The following SLC24A3 variants were observed in gnomAD, a reference collection of about 807,000 sequenced individuals.
SLC24A3 encodes solute carrier family 24 member 3.
In SLC24A3, 28 loss-of-function variants were observed where a neutral mutation model predicts 75.8. The observed-to-expected ratio is 0.37, with a 90% CI of 0.27 to 0.51. The LOEUF (loss-of-function observed/expected upper bound fraction) is 0.51. Among genes scored for constraint, SLC24A3 ranks in the 20% least tolerant of loss-of-function variants. The probability of loss-of-function intolerance (pLI) is 0.94; values close to 1 mark genes in which losing one functional copy is unlikely to be tolerated. For missense variants in SLC24A3, 663 were observed against 847.8 expected (o/e 0.78, Z 2.71); for synonymous variants, 372 against 334.1 (o/e 1.11, Z -1.24).
At chr20:19,385,723 C>T (rs1986261534) in intron 2 of SLC24A3, among the ~76,000 whole-genome samples, 1 of 151,766 alleles carries the variant, frequency 6.6e-6, no homozygotes, top group Admixed American at 6.6e-5. Flanking sequence ...CTCATTGCAG[C>T]CTCAACCTCC....
At chr20:19,600,494 GATT>G (rs2031515144) in intron 6 of SLC24A3, among the ~76,000 whole-genome samples, 1 of 152,122 alleles carries the variant, frequency 6.6e-6, no homozygotes, top group South Asian at 2.1e-4. Flanking sequence ...AATAAAAATG[GATT>G]TTAATGAAGT....
At chr20:19,597,191 G>A (rs892065728) in intron 6 of SLC24A3, among the ~76,000 whole-genome samples, 1 of 147,170 alleles carries the variant, frequency 6.8e-6, no homozygotes, top group Non-Finnish European at 1.5e-5. Flanking sequence ...CACAACGAAC[G>A]GCCTGGGCAA....
At chr20:19,341,737 A>C (rs1228999434) in intron 2 of SLC24A3, among the ~76,000 whole-genome samples, 1 of 152,216 alleles carries the variant, frequency 6.6e-6, no homozygotes, top group Non-Finnish European at 1.5e-5. Flanking sequence ...CACAGAATAC[A>C]GCCTTTTTGA....
In SLC24A3 at chr20:19,466,260, C is replaced by A. The variant is rs541930359; in HGVS notation, c.272-49228C>A. Among the ~76,000 whole-genome samples the A allele has an allele frequency of 5.9e-5, 9 of 152,278 alleles. No individual in the cohort carries two copies. The East Asian group carries it at 1.5e-3, about 26-fold the overall frequency. Reference sequence around the variant, plus strand: ...CCCATACCTATTCCCTGCAATAGTTCTTTTAGCCACACCGTCTGATTGCCA... The same window carrying A: ...CCCATACCTATTCCCTGCAATAGTTATTTTAGCCACACCGTCTGATTGCCA... On this transcript the variant is annotated intron_variant, in intron 2 of 16. Coordinates refer to ENST00000328041, the MANE Select transcript of SLC24A3 (RefSeq NM_020689.4).
At position 19,721,282 on chromosome 20, in the gene SLC24A3, G is replaced by T; in HGVS notation, c.*142G>T. On this transcript the variant is annotated 3_prime_UTR_variant, in exon 17 of 17. Transcript: ENST00000328041. ...TCAGGCCTCCGCTCCTGTTTTGGTG[G>T]CCCAGGCTCTCCCCTGACCCATCCT... is the stretch of plus-strand genomic sequence containing the variant. 5 of 1,104,138 alleles carry T rather than the reference G, an allele frequency of 4.5e-6. No individual in the cohort carries two copies. The South Asian group carries it at 4.7e-5, about 10-fold the overall frequency. 68.4% of individuals were successfully genotyped at this position (1,104,138 alleles called of 1,614,324 possible). A position where few individuals can be genotyped will look rare whatever the true frequency, so the allele number is the denominator to read the frequency against.
intron 2 of SLC24A3, among the ~76,000 whole-genome samples, chr20:19,446,874 A>AT (rs1215923435): frequency 1.3e-5 from 2 of 152,170 alleles, no homozygotes; most frequent in Non-Finnish European, 2.9e-5. Context: ...GCTGCAGCCC[A>AT]TGTCTGCCAC....
intron 2 of SLC24A3, among the ~76,000 whole-genome samples, chr20:19,337,351 G>A (rs2223847): frequency 0.091 from 13,841 of 152,156 alleles, 1,630 homozygotes; most frequent in African/African-American, 0.27. Flanking sequence ...GGCTGAGACA[G>A]GAGAATCACT....
intron 2 of SLC24A3, among the ~76,000 whole-genome samples, chr20:19,452,950 G>T (rs766200350): frequency 6.6e-6 from 1 of 152,170 alleles, no homozygotes; most frequent in Non-Finnish European, 1.5e-5. Context: ...TTGGGAGGCC[G>T]AGGTGGGTGG....
intron 2 of SLC24A3, among the ~76,000 whole-genome samples, chr20:19,414,203 G>C (rs569415098): frequency 1.3e-5 from 2 of 152,194 alleles, no homozygotes; most frequent in South Asian, 2.1e-4. Flanking sequence ...TGCTACTCAG[G>C]AGAGGCACAG....
intron 15 of SLC24A3, among the ~76,000 whole-genome samples, chr20:19,716,818 G>A (rs1405588350): frequency 6.6e-6 from 1 of 152,036 alleles, no homozygotes; most frequent in Non-Finnish European, 1.5e-5. Context: ...AGGCTATAGT[G>A]AGCCAAGATC....
intron 3 of SLC24A3, among the ~76,000 whole-genome samples, chr20:19,544,339 T>C (rs1248597250): frequency 6.6e-6 from 1 of 152,094 alleles, no homozygotes; most frequent in Non-Finnish European, 1.5e-5. Flanking sequence ...AAGTGAGAAA[T>C]AGACCAGCAT....
At chr20:19,339,902 A>C (rs1985229377) in intron 2 of SLC24A3, among the ~76,000 whole-genome samples, 2 of 152,356 alleles carry the variant, frequency 1.3e-5, no homozygotes, top group South Asian at 4.1e-4. Flanking sequence ...ATAATCTGCA[A>C]AAGAATTCCT....
chr20:19,602,518 T>C (rs1053264241), intron 6 of SLC24A3, among the ~76,000 whole-genome samples: 6 of 152,300 alleles, frequency 3.9e-5, no homozygotes, highest in African/African-American at 1.4e-4. Flanking sequence ...AAACCACAGC[T>C]GGTTTTCAGT....
chr20:19,336,710 C>T (rs1184686278), intron 2 of SLC24A3, among the ~76,000 whole-genome samples: 1 of 132,022 alleles, frequency 7.6e-6, no homozygotes, highest in Admixed American at 7.4e-5. Context: ...ACCCCCCACC[C>T]CCTCCTGCCC....
intron 3 of SLC24A3, among the ~76,000 whole-genome samples, chr20:19,543,964 C>T (rs968284015): frequency 3.4e-4 from 52 of 152,232 alleles, no homozygotes; most frequent in African/African-American, 1.3e-3. Context: ...TGTGATTTTG[C>T]CTTTATCCCA....
At chr20:19,404,702 T>C (rs1162588567) in intron 2 of SLC24A3, among the ~76,000 whole-genome samples, 1 of 152,166 alleles carries the variant, frequency 6.6e-6, no homozygotes, top group South Asian at 2.1e-4. Flanking sequence ...GGGGAAGTCA[T>C]GTGTGGTCTG....
intron 2 of SLC24A3, among the ~76,000 whole-genome samples, chr20:19,357,850 C>G (rs1458698196): frequency 6.6e-6 from 1 of 152,258 alleles, no homozygotes; most frequent in Non-Finnish European, 1.5e-5. Context: ...CCTGCTAGAG[C>G]ACACTGGACT....
At chr20:19,528,408 A>G (rs2030238207) in intron 3 of SLC24A3, among the ~76,000 whole-genome samples, 1 of 151,928 alleles carries the variant, frequency 6.6e-6, no homozygotes. Flanking sequence ...ACCCATCCTT[A>G]TTTCCTAAGA....
At chr20:19,528,916 T>G (rs1344003419) in intron 3 of SLC24A3, among the ~76,000 whole-genome samples, 1 of 152,176 alleles carries the variant, frequency 6.6e-6, no homozygotes, top group Non-Finnish European at 1.5e-5. Flanking sequence ...TTCATTGGAT[T>G]TCATGCCTTT....
Sources: allele counts gnomAD v4.1 joint callset (sites outside exome capture counted in the v4.1 genomes callset), GRCh38; gene constraint gnomAD v4.1.1; transcripts MANE v1.5; gene names NCBI Gene and HGNC (gene_info 2026-07-23, HGNC 2026-07-21).